Variants in ZNF638 observed in about 807,000 individuals in gnomAD.
ZNF638 encodes the protein CTCL tumor antigen se33-1.
In ZNF638, 46 loss-of-function variants were observed where a neutral mutation model predicts 195.6. That is an observed-to-expected ratio of 0.24 (90% CI 0.19 to 0.30). ZNF638 has a LOEUF of 0.30. Among genes scored for constraint, ZNF638 ranks in the 10% least tolerant of loss-of-function variants. ZNF638 has a pLI of 1.00. For synonymous variants in ZNF638, 845 were observed against 772.0 expected (o/e 1.09, Z -1.57); for missense variants, 2,440 against 2,325.3 (o/e 1.05, Z -1.01).
chr2:71,422,702 C>CT (rs2080457150), intron 21 of ZNF638, 112 bp from the exon 22 acceptor site: 2 of 1,145,562 alleles, frequency 1.7e-6, no homozygotes, highest in Admixed American at 2.8e-5. Context: ...ATCAGGAAGT[C>CT]TTAACAATTG....
In ZNF638 at chr2:71,348,846, CT is replaced by C. The variant is rs1558832682; in HGVS notation, c.-106del. The C allele has an allele frequency of 6.2e-7, 1 of 1,609,748 alleles. No homozygotes were observed. The highest frequency in any genetic ancestry group is 1.1e-5 in the South Asian group (1 of 90,248). On this transcript the variant is annotated 5_prime_UTR_variant, in exon 2 of 28. Transcript: ENST00000264447. ...TTCTGTTGGGCCCATCTCCTTTGCA[CT>C]TTGCTCAGATTAAGACTCAGTTGGC...
In ZNF638 at chr2:71,422,973, A is replaced by G; in HGVS notation, c.3459A>G (p.Lys1153=). The change falls in exon 22 of 28, where the codon AAA becomes AAG. Residue 1153 remains lysine (K), a synonymous_variant. Coordinates refer to ENST00000264447, the MANE Select transcript of ZNF638 (RefSeq NM_014497.5). The part of the protein sequence containing the change: ...QEEPCEEEAE[K]ATCDSDFAVE... Reference sequence around the variant, plus strand: ...AGCCTTGTGAGGAAGAAGCTGAAAAAGCAACATGTGATTCTGACTTTGCTG... The same window carrying G: ...AGCCTTGTGAGGAAGAAGCTGAAAAGGCAACATGTGATTCTGACTTTGCTG... The G allele has an allele frequency of 6.2e-7, 1 of 1,614,152 alleles. No homozygotes were observed. Among genetic ancestry groups the G allele is most frequent in the Admixed American group, 1.7e-5 (1 of 60,026 alleles).
At chr2:71,411,592 A>G (rs2152589391) in intron 20 of ZNF638, among the ~76,000 whole-genome samples, 1 of 116,576 alleles carries the variant, frequency 8.6e-6, no homozygotes, top group East Asian at 2.6e-4. Context: ...GTCATCTAGC[A>G]TTAGGTATAT....
In ZNF638 at chr2:71,428,427, C is replaced by T. The variant is rs542073295; in HGVS notation, c.5546-120C>T. ...TTTTATATTAGCAGTAGGCTTCCCT[C>T]CCAAATTTGGGTATTTTTTGCAAAA... On this transcript the variant is annotated intron_variant, in intron 24 of 27. Coordinates refer to ENST00000264447, the MANE Select transcript of ZNF638 (RefSeq NM_014497.5). 1.8e-4 allele frequency: 122 copies of T among 666,216 alleles called. 1 individual carries two copies. The African/African-American group carries it at 1.9e-3, about 11-fold the overall frequency. 41.3% of individuals were successfully genotyped at this position (666,216 alleles called of 1,614,324 possible).
chr2:71,405,793 A>G, intron 18 of ZNF638, 151 bp downstream of exon 18: 1 of 691,038 alleles, frequency 1.4e-6, no homozygotes, highest in South Asian at 2.2e-5. Context: ...GTAACAATAA[A>G]AAAATAAAGG....
chr2:71,344,105 G>C (rs1000798858), intron 1 of ZNF638, among the ~76,000 whole-genome samples: 1 of 152,170 alleles, frequency 6.6e-6, no homozygotes, highest in Non-Finnish European at 1.5e-5. Flanking sequence ...ACTCCAGCTT[G>C]GGCGACAGAG....
At chr2:71,361,513 C>G (rs894738707) in intron 3 of ZNF638, 5 of 152,128 alleles carry the variant, frequency 3.3e-5, no homozygotes, top group Non-Finnish European at 5.9e-5. Context: ...AATTTATCCT[C>G]CTGGGTGGTA....
At chr2:71,346,752 C>G (rs1391921561) in intron 1 of ZNF638, among the ~76,000 whole-genome samples, 1 of 151,986 alleles carries the variant, frequency 6.6e-6, no homozygotes, top group African/African-American at 2.4e-5. Flanking sequence ...GAATGCCGGG[C>G]GACGTGGCTC....
rs2078913078 is a variant in ZNF638, at chr2:71,349,917, G to A, written c.963G>A (p.Gln321=). Residue 321 remains glutamine (Q), a synonymous_variant, in exon 2 of 28, where the codon CAG becomes CAA. Coordinates refer to ENST00000264447, the MANE Select transcript of ZNF638 (RefSeq NM_014497.5). ...VNQSINQTVS[Q]TMSQSLIPPS... is the part of the protein sequence containing the mutation. ...AATCCATTAACCAAACAGTTAGCCA[G>A]ACAATGAGTCAATCTCTGATTCCTC... 1.2e-6 allele frequency: 2 copies of A among 1,614,196 alleles called. No homozygotes were observed. The highest frequency in any genetic ancestry group is 2.7e-5 in the African/African-American group (2 of 75,044).
intron 21 of ZNF638, 55 bp from the exon 22 acceptor site, chr2:71,422,759 A>G (rs1342113722): frequency 1.3e-6 from 2 of 1,538,012 alleles, no homozygotes; most frequent in Non-Finnish European, 1.8e-6. Flanking sequence ...TCATAGTTTG[A>G]TTTTTGTTTG....
At chr2:71,391,261 A>G (rs931663100) in intron 10 of ZNF638, among the ~76,000 whole-genome samples, 4 of 152,220 alleles carry the variant, frequency 2.6e-5, no homozygotes, top group Non-Finnish European at 4.4e-5. Flanking sequence ...AGATAGGCCT[A>G]TAGTCGATAT....
chr2:71,338,420 C>T (rs1441149149), intron 1 of ZNF638, among the ~76,000 whole-genome samples: 1 of 152,110 alleles, frequency 6.6e-6, no homozygotes, highest in Admixed American at 6.5e-5. Flanking sequence ...TCAGTTCTTT[C>T]TTGCTTTCTC....
rs745420416 is a variant in ZNF638, at chr2:71,423,520, G to A, written c.4006G>A (p.Gly1336Ser). 8 of 1,613,844 alleles carry A rather than the reference G, an allele frequency of 5.0e-6. No individual in the cohort carries two copies. In the East Asian group the frequency reaches 1.8e-4, roughly 36 times the overall value. Residue 1336 changes from glycine to serine, a missense_variant, in exon 22 of 28, where the codon GGT becomes AGT. Coordinates refer to ENST00000264447, the MANE Select transcript of ZNF638 (RefSeq NM_014497.5). ...IGTEKAEKNE[G>S]RMDAEKVEKM... is the part of the protein sequence containing the mutation. ...AACAGAGAAGGCTGAAAAGAATGAA[G>A]GTAGGATGGATGCAGAAAAGGTGGA...
At chr2:71,344,750 C>T (rs957787223) in intron 1 of ZNF638, among the ~76,000 whole-genome samples, 1 of 151,912 alleles carries the variant, frequency 6.6e-6, no homozygotes, top group African/African-American at 2.4e-5. Context: ...TGGTGGGGCA[C>T]CTAAGTTAAA....
At chr2:71,388,433 G>A in intron 10 of ZNF638, 2 of 684,836 alleles carry the variant, frequency 2.9e-6, no homozygotes, top group Non-Finnish European at 5.3e-6. Flanking sequence ...TACAGGCGGG[G>A]GCAACAACTA....
At chr2:71,363,834 C>G (rs4852255) in intron 4 of ZNF638, 120 bp from the exon 5 acceptor site, 688,126 of 1,261,938 alleles carry the variant, frequency 0.55, 192,677 homozygotes, top group Admixed American at 0.62. Context: ...AAGTACATAT[C>G]TTTTATGAGA....
intron 17 of ZNF638, 142 bp downstream of exon 17, chr2:71,404,140 A>G (rs1247255099): frequency 2.3e-5 from 18 of 770,008 alleles, no homozygotes; most frequent in South Asian, 4.2e-5. Flanking sequence ...CCCTCCAACA[A>G]TCACCCAGTC....
In ZNF638 at chr2:71,365,433, A is replaced by G; in HGVS notation, c.1722A>G (p.Arg574=). 1.3e-6 allele frequency: 2 copies of G among 1,579,146 alleles called. No homozygotes were observed. The change falls in exon 6 of 28, where the codon AGA becomes AGG. Residue 574 remains arginine, a synonymous_variant. Transcript: ENST00000264447. ...ATATTTATATCTTTTTACTAGATAGAAAAAAAGCATTAGAAGATGTAGTAC... is the reference window on the plus strand; with the variant it reads ...ATATTTATATCTTTTTACTAGATAGGAAAAAAGCATTAGAAGATGTAGTAC... ...MSRRSVRSSD[R]KKALEDVVQR...
At chr2:71,383,560 G>GTTTTTTTTT (rs57987492) in intron 10 of ZNF638, among the ~76,000 whole-genome samples, 115 of 122,110 alleles carry the variant, frequency 9.4e-4, no homozygotes, top group African/African-American at 3.2e-3. Context: ...TTCCTGGGTG[G>GTTTTTTTTT]TTTTTTTTTT....
Sources: gnomAD v4.1 joint callset for allele counts (sites outside exome capture counted in the v4.1 genomes callset) on GRCh38, gnomAD v4.1.1 for gene constraint, MANE v1.5 for transcripts, NCBI Gene and HGNC (gene_info 2026-07-23, HGNC 2026-07-21) for gene names.